FAM184B: variants seen among roughly 807,000 people sequenced by gnomAD.
FAM184B encodes protein FAM184B.
A neutral mutation model predicts 135.9 loss-of-function variants in FAM184B; 111 were observed. The ratio of observed to expected loss-of-function variants is 0.82; its 90% CI spans 0.70 to 0.96. The LOEUF is 0.96. FAM184B is among the 40% of genes least tolerant of loss of function. FAM184B has a pLI of 0.00. For synonymous variants in FAM184B, 552 were observed against 524.8 expected (o/e 1.05, Z -0.71); for missense variants, 1,375 against 1,323.9 (o/e 1.04, Z -0.60).
intron 10 of FAM184B, 23 bp from the exon 11 acceptor site, chr4:17,653,006 G>C: frequency 6.4e-7 from 1 of 1,551,192 alleles, no homozygotes; most frequent in Admixed American, 2.0e-5. Flanking sequence ...GTGGGAACAA[G>C]AAGGCATGAA....
chr4:17,703,240 T>A (rs1261998733), intron 5 of FAM184B, among the ~76,000 whole-genome samples: 2 of 152,212 alleles, frequency 1.3e-5, no homozygotes, highest in Non-Finnish European at 2.9e-5. Context: ...CGCATGCCTA[T>A]AATCCCAGCA....
chr4:17,770,450 T>C (rs1718793106), intron 1 of FAM184B, among the ~76,000 whole-genome samples: 1 of 148,396 alleles, frequency 6.7e-6, no homozygotes, highest in Non-Finnish European at 1.5e-5. Context: ...GTTGTTGTTG[T>C]TGTTGTTGTT....
rs539219881 is a variant in FAM184B, at chr4:17,636,746, C to T, written c.2667-101G>A. 19 of 1,039,714 alleles carry T rather than the reference C, an allele frequency of 1.8e-5. 1 individual carries two copies. The highest frequency in any genetic ancestry group is 1.1e-4 in the South Asian group (7 of 61,504). The allele number at this position is 1,039,714 out of a possible 1,614,324, so 64.4% of individuals were successfully genotyped here. ...TGGGAATGCCATCCTGTGTTCAGCC[C>T]GGCCAGGGAGGCCCAGATAGCAGCA... On this transcript the variant is annotated intron_variant, in intron 14 of 17. Transcript: ENST00000265018.
chr4:17,725,748 T>C (rs1277452469), intron 1 of FAM184B, among the ~76,000 whole-genome samples: 5 of 152,160 alleles, frequency 3.3e-5, no homozygotes, highest in African/African-American at 1.2e-4. Context: ...TAGTACATAT[T>C]CCTAAAAGTC....
At chr4:17,744,032 A>C (rs1480734617) in intron 1 of FAM184B, among the ~76,000 whole-genome samples, 1 of 152,046 alleles carries the variant, frequency 6.6e-6, no homozygotes, top group East Asian at 1.9e-4. Flanking sequence ...CTGTCAGGGG[A>C]CTGCTCTCAG....
Position 17,634,974 on chromosome 4 carries a change from T to C in FAM184B, c.2889+35A>G, listed in dbSNP as rs186792009. The stretch of plus-strand genomic sequence containing the variant: ...TTAAGAAAAACGAAACCAATGGAAT[T>C]GTATAATGCATTAAAACCATTAGAA... On this transcript the variant is annotated intron_variant, in intron 16 of 17. Coordinates refer to ENST00000265018, the MANE Select transcript of FAM184B (RefSeq NM_015688.2). 2.6e-3 allele frequency: 3,753 copies of C among 1,433,022 alleles called. 30 individuals are homozygous for C. The highest frequency in any genetic ancestry group is 2.4e-3 in the Non-Finnish European group (2,462 of 1,040,992). The allele number at this position is 1,433,022 out of a possible 1,614,324, so 88.8% of individuals were successfully genotyped here.
chr4:17,724,661 C>T (rs1369053895), intron 1 of FAM184B, among the ~76,000 whole-genome samples: 2 of 152,154 alleles, frequency 1.3e-5, no homozygotes, highest in South Asian at 2.1e-4. Flanking sequence ...GGAACCACAC[C>T]GCACAAACAA....
At chr4:17,768,897 G>A (rs746275174) in intron 1 of FAM184B, among the ~76,000 whole-genome samples, 8 of 151,428 alleles carry the variant, frequency 5.3e-5, no homozygotes, top group Non-Finnish European at 1.0e-4. Context: ...CTCCGTTCCC[G>A]GGTTCAAGCG....
intron 2 of FAM184B, 57 bp from the exon 3 acceptor site, chr4:17,707,841 TGTGTACACA>T (rs1717153298): frequency 1.9e-6 from 3 of 1,541,842 alleles, no homozygotes; most frequent in Non-Finnish European, 2.6e-6. Flanking sequence ...AGAGACATCC[TGTGTACACA>T]GAATAGCCAT....
At chr4:17,712,916 G>C (rs148709255) in intron 1 of FAM184B, among the ~76,000 whole-genome samples, 4 of 152,152 alleles carry the variant, frequency 2.6e-5, no homozygotes, top group African/African-American at 9.7e-5. Context: ...CATCATCGAC[G>C]GCCAGATGGC....
At chr4:17,740,313 C>A (rs979325264) in intron 1 of FAM184B, among the ~76,000 whole-genome samples, 39 of 130,896 alleles carry the variant, frequency 3.0e-4, no homozygotes, top group African/African-American at 1.1e-3. Flanking sequence ...GATCACGCTA[C>A]TGCACTCCAG....
At position 17,639,376 on chromosome 4, in the gene FAM184B, T is replaced by G; in HGVS notation, c.2540A>C (p.Gln847Pro). Residue 847 changes from glutamine to proline, a missense_variant, in exon 14 of 18, where the codon CAA becomes CCA. Transcript: ENST00000265018. ...DQRRFLEETQ[Q>P]AQRAREVETL... ...CTCCACCTCCCTGGCCCGCTGGGCT[T>G]GCTGAGTCTCCTCCAGGAACCTGTG... 2 of 1,551,674 alleles carry G rather than the reference T, an allele frequency of 1.3e-6. No individual in the cohort carries two copies. The highest frequency in any genetic ancestry group is 2.4e-5 in the South Asian group (2 of 84,062).
chr4:17,690,257 G>C (rs997606862), intron 6 of FAM184B, among the ~76,000 whole-genome samples: 6 of 152,342 alleles, frequency 3.9e-5, no homozygotes, highest in Admixed American at 3.9e-4. Flanking sequence ...AGGTGGGATA[G>C]TGCATTCCAG....
At chr4:17,687,470 T>A (rs1716614724) in intron 7 of FAM184B, among the ~76,000 whole-genome samples, 1 of 152,172 alleles carries the variant, frequency 6.6e-6, no homozygotes, top group Admixed American at 6.5e-5. Context: ...GCCTATCTTG[T>A]GGGTTAGGCT....
At chr4:17,636,381 G>C in intron 15 of FAM184B, 147 bp downstream of exon 15, 2 of 653,150 alleles carry the variant, frequency 3.1e-6, no homozygotes, top group South Asian at 3.5e-5. Context: ...GGGATTACAG[G>C]CTTGAGCCAC....
At chr4:17,695,932 T>C (rs1202017181) in intron 5 of FAM184B, among the ~76,000 whole-genome samples, 4 of 152,018 alleles carry the variant, frequency 2.6e-5, no homozygotes, top group South Asian at 4.1e-4. Flanking sequence ...TGAAGGAAAA[T>C]ATAAGACATT....
In FAM184B at chr4:17,631,978, G is replaced by C. The variant is rs1244491193; in HGVS notation, c.*554C>G. 3 of 150,214 alleles carry C rather than the reference G, an allele frequency of 2.0e-5. No homozygotes were observed. Among genetic ancestry groups the C allele is most frequent in the African/African-American group, 4.9e-5 (2 of 40,664 alleles). The allele number at this position is 150,214 out of a possible 1,614,324, so 9.3% of individuals were successfully genotyped here. Reference sequence around the variant, plus strand: ...TATGGACACTAGAAATACAAGGTATGGGTCATTAGTAACGCTAATAACATT... The same window carrying C: ...TATGGACACTAGAAATACAAGGTATCGGTCATTAGTAACGCTAATAACATT... On this transcript the variant is annotated 3_prime_UTR_variant, in exon 18 of 18. Coordinates refer to ENST00000265018, the MANE Select transcript of FAM184B (RefSeq NM_015688.2).
intron 1 of FAM184B, among the ~76,000 whole-genome samples, chr4:17,720,152 T>G (rs1717485785): frequency 6.6e-6 from 1 of 152,186 alleles, no homozygotes; most frequent in Non-Finnish European, 1.5e-5. Flanking sequence ...CATTCTCTAT[T>G]TGCTAATGAC....
At chr4:17,667,044 G>A (rs1716072287) in intron 7 of FAM184B, among the ~76,000 whole-genome samples, 2 of 151,648 alleles carry the variant, frequency 1.3e-5, no homozygotes, top group Admixed American at 1.3e-4. Context: ...CTGGAGCCTC[G>A]ACTTCCGAGG....
Sources: gnomAD v4.1 joint callset for allele counts (sites outside exome capture counted in the v4.1 genomes callset) on GRCh38, gnomAD v4.1.1 for gene constraint, MANE v1.5 for transcripts, NCBI Gene and HGNC (gene_info 2026-07-23, HGNC 2026-07-21) for gene names.